The following YAP1 variants were observed in gnomAD, a reference collection of about 807,000 sequenced individuals.
YAP1 encodes the protein Yes1 associated transcriptional regulator.
In YAP1, 5 loss-of-function variants were observed where a neutral mutation model predicts 56.9. The observed-to-expected ratio is 0.09, with a 90% CI of 0.05 to 0.18. YAP1 has a LOEUF of 0.18. Among genes scored for constraint, YAP1 ranks in the 10% least tolerant of loss-of-function variants. The pLI is 1.00. For synonymous variants in YAP1, 265 were observed against 248.1 expected (o/e 1.07, Z -0.64); for missense variants, 539 against 651.8 (o/e 0.83, Z 1.88).
intron 2 of YAP1, among the ~76,000 whole-genome samples, chr11:102,114,672 G>A (rs952837380): frequency 1.3e-5 from 2 of 152,058 alleles, no homozygotes; most frequent in Admixed American, 6.6e-5. Flanking sequence ...CTCATTTTGA[G>A]CTTGTGCCAA....
chr11:102,181,909 C>T (rs1947648294), intron 3 of YAP1, among the ~76,000 whole-genome samples: 1 of 152,240 alleles, frequency 6.6e-6, no homozygotes, highest in African/African-American at 2.4e-5. Flanking sequence ...CAACCTCCAC[C>T]TCCCAGATTC....
intron 3 of YAP1, among the ~76,000 whole-genome samples, chr11:102,165,547 A>G (rs1036902034): frequency 3.9e-5 from 6 of 152,192 alleles, no homozygotes; most frequent in Non-Finnish European, 8.8e-5. Context: ...GGGAGAAGGC[A>G]TAAAGGAGAG....
At chr11:102,164,559 A>G (rs1173411154) in intron 3 of YAP1, among the ~76,000 whole-genome samples, 1 of 152,206 alleles carries the variant, frequency 6.6e-6, no homozygotes, top group African/African-American at 2.4e-5. Context: ...TTGGAAGAGT[A>G]AGTATTTCGC....
Position 102,176,913 on chromosome 11 carries a change from C to T in YAP1, c.689-9105C>T, listed in dbSNP as rs982657945. On this transcript the variant is annotated intron_variant, in intron 3 of 8. Transcript: ENST00000282441. ...GAAAGACAGGAGTGAACAAGCCATG[C>T]GGCTGGGAGGACTGAATGAATTACT... Among the ~76,000 whole-genome samples the T allele has an allele frequency of 4.6e-5, 7 of 151,586 alleles. No homozygotes were observed. The East Asian group carries it at 5.8e-4, about 13-fold the overall frequency.
At chr11:102,165,558 G>A (rs1377515343) in intron 3 of YAP1, among the ~76,000 whole-genome samples, 1 of 152,074 alleles carries the variant, frequency 6.6e-6, no homozygotes, top group African/African-American at 2.4e-5. Context: ...TAAAGGAGAG[G>A]GTTGTGAGGA....
At chr11:102,202,171 T>C (rs188690283) in intron 4 of YAP1, among the ~76,000 whole-genome samples, 2 of 151,944 alleles carry the variant, frequency 1.3e-5, no homozygotes, top group Admixed American at 1.3e-4. Flanking sequence ...TATTATTTTT[T>C]TTTTTTGAGA....
intron 4 of YAP1, among the ~76,000 whole-genome samples, chr11:102,201,665 A>T (rs576413375): frequency 6.6e-6 from 1 of 152,336 alleles, no homozygotes; most frequent in South Asian, 2.1e-4. Context: ...AGGACAATAC[A>T]TATTAATGTT....
intron 3 of YAP1, among the ~76,000 whole-genome samples, chr11:102,181,228 G>A (rs570938024): frequency 2.6e-5 from 4 of 151,816 alleles, no homozygotes; most frequent in African/African-American, 9.7e-5. Context: ...GGCGGATCAC[G>A]AGGTCAGGAG....
At chr11:102,145,124 A>G (rs1038149280) in intron 2 of YAP1, among the ~76,000 whole-genome samples, 1 of 152,134 alleles carries the variant, frequency 6.6e-6, no homozygotes, top group Non-Finnish European at 1.5e-5. Flanking sequence ...CAAGAGTTGT[A>G]AACCGGAGTT....
At chr11:102,152,104 G>A (rs926314512) in intron 2 of YAP1, among the ~76,000 whole-genome samples, 2 of 152,146 alleles carry the variant, frequency 1.3e-5, no homozygotes, top group African/African-American at 4.8e-5. Flanking sequence ...CCCAACACCT[G>A]GGAGTCCAAA....
At chr11:102,116,446 A>T (rs1252033224) in intron 2 of YAP1, among the ~76,000 whole-genome samples, 1 of 152,284 alleles carries the variant, frequency 6.6e-6, no homozygotes, top group South Asian at 2.1e-4. Flanking sequence ...TCATTTTTCA[A>T]AGTTTCCAGT....
chr11:102,113,106 C>G (rs1300082332), intron 1 of YAP1, among the ~76,000 whole-genome samples: 1 of 152,182 alleles, frequency 6.6e-6, no homozygotes, highest in Non-Finnish European at 1.5e-5. Flanking sequence ...AAAGGTGTAT[C>G]ACTTTAAGGC....
intron 3 of YAP1, among the ~76,000 whole-genome samples, chr11:102,170,905 G>T (rs1307626613): frequency 6.6e-6 from 1 of 151,396 alleles, no homozygotes; most frequent in Non-Finnish European, 1.5e-5. Context: ...GGAGGCAGAG[G>T]TTGCAGAGAG....
intron 4 of YAP1, among the ~76,000 whole-genome samples, chr11:102,202,777 G>T (rs1397010439): frequency 3.9e-5 from 6 of 152,074 alleles, no homozygotes; most frequent in Admixed American, 2.0e-4. Context: ...AACCTAAAAT[G>T]GATATAATAA....
chr11:102,114,144 G>T lies in YAP1; in HGVS notation c.322G>T (p.Ala108Ser). ...PPEPKSHSRQ[A>S]STDAGTAGAL... ...TTTTCATCTTAATATTCCCTAATAG[G>T]CCAGTACTGATGCAGGCACTGCAGG... The change falls in exon 2 of 9, where the codon GCC becomes TCC. Residue 108 changes from alanine to serine, a missense_variant and splice_region_variant. Ala to Ser is a moderately conservative substitution (Grantham distance 99). Coordinates refer to ENST00000282441, the MANE Select transcript of YAP1 (RefSeq NM_001130145.3). 1 of 1,612,834 alleles carries T rather than the reference G, an allele frequency of 6.2e-7. No homozygotes were observed. The highest frequency in any genetic ancestry group is 8.5e-7 in the Non-Finnish European group (1 of 1,179,104).
intron 4 of YAP1, among the ~76,000 whole-genome samples, chr11:102,188,683 A>G (rs1025334027): frequency 4.6e-5 from 7 of 152,200 alleles, no homozygotes; most frequent in East Asian, 1.9e-4. Context: ...GATAGGCTAT[A>G]CCTTACAGCC....
intron 4 of YAP1, among the ~76,000 whole-genome samples, chr11:102,190,957 A>T (rs531681845): frequency 6.6e-6 from 1 of 151,590 alleles, no homozygotes; most frequent in East Asian, 1.9e-4. Context: ...CTGATGGATC[A>T]TGAGGTTAGA....
At chr11:102,182,050 G>C (rs1266343047) in intron 3 of YAP1, among the ~76,000 whole-genome samples, 1 of 152,102 alleles carries the variant, frequency 6.6e-6, no homozygotes, top group East Asian at 1.9e-4. Context: ...TCAAACTCCT[G>C]ACCTCGTGAT....
chr11:102,154,424 G>T (rs1945829793), intron 2 of YAP1, among the ~76,000 whole-genome samples: 1 of 151,978 alleles, frequency 6.6e-6, no homozygotes, highest in South Asian at 2.1e-4. Context: ...AGTCCTGTAA[G>T]CATGATTTGT....
Sources: allele counts gnomAD v4.1 joint callset (sites outside exome capture counted in the v4.1 genomes callset), GRCh38; gene constraint gnomAD v4.1.1; transcripts MANE v1.5; gene names NCBI Gene and HGNC (gene_info 2026-07-23, HGNC 2026-07-21).